The following PPP1R16A variants were observed in gnomAD, a reference collection of about 807,000 sequenced individuals.
The protein encoded by PPP1R16A is protein phosphatase 1 regulatory subunit 16A.
In PPP1R16A, 39 loss-of-function variants were observed where a neutral mutation model predicts 46.6. The observed-to-expected ratio is 0.84, with a 90% CI of 0.65 to 1.09. The LOEUF is 1.09. Ranked by LOEUF, PPP1R16A falls within the 50% of genes least tolerant of loss-of-function variation. PPP1R16A has a pLI of 0.00. For missense variants in PPP1R16A, 798 were observed against 735.6 expected (o/e 1.08, Z -0.98); for synonymous variants, 413 against 321.5 (o/e 1.28, Z -3.04).
In PPP1R16A at chr8:144,497,037, G is replaced by C; in HGVS notation, c.-158G>C. ...AGGGCTGCCTGGGCCTGGTTATTGT[G>C]TGGGGCCTCCTGACCCAGCCAAGGG... is the stretch of plus-strand genomic sequence containing the variant. On this transcript the variant is annotated 5_prime_UTR_variant, in exon 3 of 12. Coordinates refer to ENST00000435887, the MANE Select transcript of PPP1R16A (RefSeq NM_001329443.2). 4 of 971,964 alleles carry C rather than the reference G, an allele frequency of 4.1e-6. No homozygotes were observed. The highest frequency in any genetic ancestry group is 6.1e-6 in the Non-Finnish European group (4 of 660,778). The allele number at this position is 971,964 out of a possible 1,614,324, so 60.2% of individuals were successfully genotyped here.
At position 144,500,123 on chromosome 8, in the gene PPP1R16A, C is replaced by A. The variant is rs1401037832; in HGVS notation, c.504C>A (p.Thr168=). The A allele has an allele frequency of 1.2e-6, 2 of 1,611,492 alleles. No homozygotes were observed. Among genetic ancestry groups the A allele is most frequent in the Admixed American group, 3.3e-5 (2 of 59,820 alleles). Residue 168 remains threonine, a synonymous_variant, in exon 6 of 12, where the codon ACC becomes ACA. Coordinates refer to ENST00000435887, the MANE Select transcript of PPP1R16A (RefSeq NM_001329443.2). The part of the protein sequence containing the change: ...ASGANLLAVN[T]DGNMPYDLCD... ...GCGCCAATCTCCTGGCGGTCAACAC[C>A]GACGGGAACATGCCCTATGACCTGT...
chr8:144,493,878 G>A lies in PPP1R16A; in HGVS notation c.-734-2583G>A, dbSNP rs945372829. Among the ~76,000 whole-genome samples, 2 of 152,104 alleles carry A rather than the reference G, an allele frequency of 1.3e-5. No homozygotes were observed. Among genetic ancestry groups the A allele is most frequent in the African/African-American group, 2.4e-5 (1 of 41,440 alleles). On this transcript the variant is annotated intron_variant, in intron 2 of 11. Coordinates refer to ENST00000435887, the MANE Select transcript of PPP1R16A (RefSeq NM_001329443.2). The surrounding 1 kb of genome is among the most constrained non-coding windows in gnomAD (Gnocchi z 4.3). ...GGTGGGGCCAAGTGCCCTGTGAGCC[G>A]TGCTGGGTGGGGTGGGGGAGGTAGA...
In PPP1R16A at chr8:144,500,513, C is replaced by T. The variant is rs755039914; in HGVS notation, c.732C>T (p.Phe244=). The change falls in exon 8 of 12, where the codon TTC becomes TTT. Residue 244 remains phenylalanine, a synonymous_variant. Transcript: ENST00000435887. ...TGCACGTCGCAGCCGCCAACGGGTT[C>T]AGCGAGGCGGCTGCCCTGCTGCTGG... ...TLLHVAAANG[F]SEAAALLLEH... 2.0e-5 allele frequency: 32 copies of T among 1,589,758 alleles called. No individual in the cohort carries two copies. Among genetic ancestry groups the T allele is most frequent in the Non-Finnish European group, 2.7e-5 (32 of 1,176,154 alleles).
chr8:144,482,384 T>A (rs570649130), intron 1 of PPP1R16A, among the ~76,000 whole-genome samples: 208 of 152,066 alleles, frequency 1.4e-3, no homozygotes, highest in Middle Eastern at 0.014. Flanking sequence ...ATTTTTTATT[T>A]TATTTTTATT....
rs1385770635 is a variant in PPP1R16A at position 144,493,502 on chromosome 8, G to A, written c.-734-2959G>A. The stretch of plus-strand genomic sequence containing the variant: ...CTGGTCCATCTTGTGGCTGGGAGGA[G>A]TAGACAAAGCTTCCACTAGAAGTTC... On this transcript the variant is annotated intron_variant, in intron 2 of 11. Coordinates refer to ENST00000435887, the MANE Select transcript of PPP1R16A (RefSeq NM_001329443.2). This position sits in a 1 kb window ranked among gnomAD's most constrained non-coding sequence, Gnocchi z 4.3. Among the ~76,000 whole-genome samples the A allele has an allele frequency of 6.6e-6, 1 of 152,328 alleles. No homozygotes were observed. Among genetic ancestry groups the A allele is most frequent in the East Asian group, 1.9e-4 (1 of 5,188 alleles).
rs2130451269 is a variant in PPP1R16A at position 144,496,800 on chromosome 8, G to A, written c.-395G>A. On this transcript the variant is annotated 5_prime_UTR_variant, in exon 3 of 12. Transcript: ENST00000435887. ...CCCTGCCCTCCCTTCCCCCTCAGCA[G>A]GGTGCCCGGAAGCTGGAACCTTGTT... 3.6e-6 allele frequency: 1 copy of A among 275,116 alleles called. No homozygotes were observed. The highest frequency in any genetic ancestry group is 8.4e-5 in the East Asian group (1 of 11,942). The allele number at this position is 275,116 out of a possible 1,614,324, so 17.0% of individuals were successfully genotyped here.
At chr8:144,500,050 G>T in intron 5 of PPP1R16A, 46 bp from the exon 6 acceptor site, 1 of 1,557,776 alleles carries the variant, frequency 6.4e-7, no homozygotes, top group Non-Finnish European at 8.7e-7. Context: ...AGCCTGGCAA[G>T]CGGGGAAGGG....
chr8:144,497,204 C>T lies in PPP1R16A; in HGVS notation c.10C>T (p.His4Tyr). The T allele has an allele frequency of 6.4e-7, 1 of 1,574,118 alleles. No homozygotes were observed. Among genetic ancestry groups the T allele is most frequent in the Non-Finnish European group, 8.6e-7 (1 of 1,162,348 alleles). Residue 4 changes from histidine to tyrosine, a missense_variant, in exon 3 of 12, where the codon CAC becomes TAC. Transcript: ENST00000435887. MAE[H>Y]LELLAEMPMV... is the part of the protein sequence containing the mutation. ...GCAAGCAGCCGCCGCCATGGCCGAG[C>T]ACCTGGAGCTGCTGGCAGAGATGCC... is the stretch of plus-strand genomic sequence containing the variant.
chr8:144,482,935 C>T (rs1457419886), intron 1 of PPP1R16A, among the ~76,000 whole-genome samples: 1 of 152,028 alleles, frequency 6.6e-6, no homozygotes, highest in African/African-American at 2.4e-5. Context: ...CGTGAGCCAC[C>T]GCGCCCGGCT....
chr8:144,485,339 A>G (rs1195382419), intron 1 of PPP1R16A, among the ~76,000 whole-genome samples: 1 of 151,594 alleles, frequency 6.6e-6, no homozygotes, highest in Non-Finnish European at 1.5e-5. Flanking sequence ...CCTGGCCGAC[A>G]TGGTGAAACC....
rs975283482 is a variant in PPP1R16A, at chr8:144,501,536, T to C, written c.1220T>C (p.Val407Ala). ...TGCCCGCAGGAGGACAACCCCGAAG[T>C]GGTCAGGCCGCACAATGGCCGAGTA... ...PPPPEEDNPE[V>A]VRPHNGRVGG... Residue 407 changes from valine (V) to alanine (A), a missense_variant, in exon 12 of 12, where the codon GTG becomes GCG. Coordinates refer to ENST00000435887, the MANE Select transcript of PPP1R16A (RefSeq NM_001329443.2). The C allele has an allele frequency of 5.1e-6, 8 of 1,570,608 alleles. No homozygotes were observed. The African/African-American group carries it at 9.5e-5, about 19-fold the overall frequency.
At chr8:144,480,649 G>A (rs557447326) in intron 1 of PPP1R16A, among the ~76,000 whole-genome samples, 8 of 152,122 alleles carry the variant, frequency 5.3e-5, no homozygotes, top group African/African-American at 1.9e-4. Context: ...ACCACGGCCA[G>A]TAATTTTTGT....
chr8:144,484,665 T>A (rs7003836), intron 1 of PPP1R16A, among the ~76,000 whole-genome samples: 13 of 152,110 alleles, frequency 8.5e-5, no homozygotes, highest in East Asian at 3.9e-4. Flanking sequence ...GATGCAACGC[T>A]TCCCCTGGTT....
At position 144,501,813 on chromosome 8, in the gene PPP1R16A, C is replaced by T. The variant is rs1158499206; in HGVS notation, c.1497C>T (p.Phe499=). 2 of 1,553,970 alleles carry T rather than the reference C, an allele frequency of 1.3e-6. No individual in the cohort carries two copies. Among genetic ancestry groups the T allele is most frequent in the East Asian group, 2.4e-5 (1 of 41,252 alleles). The change falls in exon 12 of 12, where the codon TTC becomes TTT. Residue 499 remains phenylalanine (F), a synonymous_variant. Coordinates refer to ENST00000435887, the MANE Select transcript of PPP1R16A (RefSeq NM_001329443.2). ...TGACCCCCCAGCCTGACTGTGGCTT[C>T]AGGGCAGGCGGGGACCCACCCCTGC... ...DTVTPQPDCG[F]RAGGDPPLLK...
chr8:144,500,171 C>A lies in PPP1R16A; in HGVS notation c.552C>A (p.Asp184Glu), dbSNP rs145132792. The A allele has an allele frequency of 2.6e-4, 411 of 1,611,322 alleles. 1 individual carries two copies. The highest frequency in any genetic ancestry group is 3.2e-4 in the Non-Finnish European group (383 of 1,178,998). The change falls in exon 6 of 12, where the codon GAC becomes GAA. Residue 184 changes from aspartate to glutamate, a missense_variant. Asp to Glu is a conservative substitution (Grantham distance 45, BLOSUM62 2). Coordinates refer to ENST00000435887, the MANE Select transcript of PPP1R16A (RefSeq NM_001329443.2). Reference sequence around the variant, plus strand: ...TGTGTGATGATGAGCAGACGCTGGACTGCCTGGAGACTGCCATGGCCGACC... The same window carrying A: ...TGTGTGATGATGAGCAGACGCTGGAATGCCTGGAGACTGCCATGGCCGACC... The part of the protein sequence containing the change: ...YDLCDDEQTL[D>E]CLETAMADRG...
chr8:144,483,140 T>C (rs1346159651), intron 1 of PPP1R16A, among the ~76,000 whole-genome samples: 1 of 152,162 alleles, frequency 6.6e-6, no homozygotes. Flanking sequence ...TTTTTTATGT[T>C]GTGTGGCTGA....
Position 144,497,925 on chromosome 8 carries a change from G to GC in PPP1R16A, c.259+477dup, listed in dbSNP as rs1394306521. 1.2e-5 allele frequency: 5 copies of GC among 407,760 alleles called. No homozygotes were observed. In the East Asian group the frequency reaches 2.2e-4, roughly 18 times the overall value. 25.3% of individuals were successfully genotyped at this position (407,760 alleles called of 1,614,324 possible). A position where few individuals can be genotyped will look rare whatever the true frequency, so the allele number is the denominator to read the frequency against. On this transcript the variant is annotated intron_variant, in intron 3 of 11. Transcript: ENST00000435887. The stretch of plus-strand genomic sequence containing the variant: ...GGGCAGGCACAGAGCTATGCAGGTG[G>GC]CCCCCTCTCAGTGCCTGCCCTAGGC...
rs960108240 is a variant in PPP1R16A, at chr8:144,501,123, C to T, written c.1038-6C>T. 8 of 1,610,522 alleles carry T rather than the reference C, an allele frequency of 5.0e-6. No homozygotes were observed. In the African/African-American group the frequency reaches 6.7e-5, roughly 13 times the overall value. On this transcript the variant is annotated splice_region_variant and splice_polypyrimidine_tract_variant and intron_variant, in intron 10 of 11. Coordinates refer to ENST00000435887, the MANE Select transcript of PPP1R16A (RefSeq NM_001329443.2). ...CCCCTCACTCCCTCTCCTCTCTCCTCCCCAGGAAGGTGGTGAGGCGGGTGA... is the reference window on the plus strand; with the variant it reads ...CCCCTCACTCCCTCTCCTCTCTCCTTCCCAGGAAGGTGGTGAGGCGGGTGA...
At chr8:144,498,732 G>A (rs776919236) in intron 3 of PPP1R16A, 38 bp from the exon 4 acceptor site, 15 of 1,543,196 alleles carry the variant, frequency 9.7e-6, no homozygotes, top group Non-Finnish European at 1.3e-5. Context: ...ACCTGACCAG[G>A]GGCAGGACCC....
Sources: allele counts gnomAD v4.1 joint callset (sites outside exome capture counted in the v4.1 genomes callset), GRCh38; gene constraint gnomAD v4.1.1; non-coding constraint Gnocchi (gnomAD v3.1); transcripts MANE v1.5; gene names NCBI Gene and HGNC (gene_info 2026-07-23, HGNC 2026-07-21).